Variants in TAP2 observed in about 807,000 individuals in gnomAD.
TAP2 encodes transporter 2, ATP binding cassette subfamily B member.
In TAP2, 49 loss-of-function variants were observed where a neutral mutation model predicts 74.7. That is an observed-to-expected ratio of 0.66 (90% CI 0.52 to 0.83). The LOEUF is 0.83. TAP2 is among the 40% of genes least tolerant of loss of function. TAP2 has a pLI of 0.00. For synonymous variants in TAP2, 306 were observed against 368.4 expected, an observed-to-expected ratio of 0.83 and a Z score of 1.94; for missense variants, 739 against 859.0, an observed-to-expected ratio of 0.86 and a Z score of 1.75.
chr6:32,829,656 G>A (rs182214921), intron 10 of TAP2, 120 bp from the exon 11 acceptor site: 61 of 1,495,212 alleles, frequency 4.1e-5, no homozygotes, highest in African/African-American at 6.8e-5. Context: ...GGCCCAGTGC[G>A]GGGAGGGCCC....
rs1367801345 is a variant in TAP2 at position 32,828,395 on chromosome 6, T to C, written c.*511A>G. 1.2e-5 allele frequency: 12 copies of C among 985,932 alleles called. No homozygotes were observed. The African/African-American group carries it at 1.6e-4, about 13-fold the overall frequency. 61.1% of individuals were successfully genotyped at this position (985,932 alleles called of 1,614,324 possible). ...ATATAGGAAGGCAATCTCATGAATA[T>C]TTATGTCATTTTTGGTTAATTTCTA... On this transcript the variant is annotated 3_prime_UTR_variant, in exon 12 of 12. Transcript: ENST00000374897.
In TAP2 at chr6:32,837,599, A is replaced by T. The variant is rs748302897; in HGVS notation, c.546T>A (p.Gly182=). Residue 182 remains glycine, a synonymous_variant, in exon 3 of 12, where the codon GGT becomes GGA. Transcript: ENST00000374897. ...YSGRVIDILG[G]DFDPHAFASA... Reference sequence around the variant, plus strand: ...TGGCAAAGGCATGGGGGTCAAAATCACCTCCCAGGATGTCAATCACACGAC... The same window carrying T: ...TGGCAAAGGCATGGGGGTCAAAATCTCCTCCCAGGATGTCAATCACACGAC... 3 of 1,613,952 alleles carry T rather than the reference A, an allele frequency of 1.9e-6. No individual in the cohort carries two copies. The highest frequency in any genetic ancestry group is 2.5e-6 in the Non-Finnish European group (3 of 1,179,954).
chr6:32,832,764 C>G lies in TAP2; in HGVS notation c.1006G>C (p.Val336Leu), dbSNP rs1243600800. 2 of 1,612,962 alleles carry G rather than the reference C, an allele frequency of 1.2e-6. No homozygotes were observed. Among genetic ancestry groups the G allele is most frequent in the Admixed American group, 1.7e-5 (1 of 60,008 alleles). ...CTGCGAACGGTCTGCAGCCCTCCAA[C>G]GGCTTCCCGCACCACCTGCCCCGCC... ...ARAGQVVREA[V>L]GGLQTVRSFG... Residue 336 changes from valine (V) to leucine (L), a missense_variant, in exon 6 of 12, where the codon GTT (valine) becomes CTT (leucine). Physicochemically the swap from Val to Leu is conservative, Grantham distance 32. Transcript: ENST00000374897. This position sits in a 1 kb window ranked among gnomAD's most constrained non-coding sequence, Gnocchi z 5.9.
Position 32,830,770 on chromosome 6 carries a change from C to T in TAP2, c.1309G>A (p.Val437Met), listed in dbSNP as rs189411634. 1.6e-5 allele frequency: 26 copies of T among 1,612,526 alleles called. No homozygotes were observed. Among genetic ancestry groups the T allele is most frequent in the African/African-American group, 2.7e-5 (2 of 74,892 alleles). ...VYIYGDMLSN[V>M]GAAEKVFSYM... The stretch of plus-strand genomic sequence containing the variant: ...GAGAAAACCTTCTCTGCAGCTCCCA[C>T]GTTGCTGAGCATATCCCCATATATG... Residue 437 changes from valine (V) to methionine (M), a missense_variant, in exon 8 of 12, where the codon GTG (valine) becomes ATG (methionine). Transcript: ENST00000374897.
In TAP2 at chr6:32,825,527, G is replaced by A. The variant is rs1417328604; in HGVS notation, c.*3379C>T. The A allele has an allele frequency of 6.6e-6, 1 of 152,162 alleles. No individual in the cohort carries two copies. Among genetic ancestry groups the A allele is most frequent in the Non-Finnish European group, 1.5e-5 (1 of 68,010 alleles). 9.4% of individuals were successfully genotyped at this position (152,162 alleles called of 1,614,324 possible). ...AGCAAGAATAAAGATATACATATTT[G>A]CTTAATACACAGTAAACTTCTCTGG... On this transcript the variant is annotated 3_prime_UTR_variant, in exon 12 of 12. Coordinates refer to ENST00000374897, the MANE Select transcript of TAP2 (RefSeq NM_001290043.2).
rs746522493 is a variant in TAP2 at position 32,838,191 on chromosome 6, C to A, written c.43G>T (p.Val15Leu). The stretch of plus-strand genomic sequence containing the variant: ...AGCAGCCACAGTAAAGCCGCGTCCA[C>A]CAGCAGCAGGGAGGTCCAGGGTCTC... ...DLRPWTSLLL[V>L]DAALLWLLQG... is the part of the protein sequence containing the mutation. Residue 15 changes from valine (V) to leucine (L), a missense_variant, in exon 2 of 12, where the codon GTG becomes TTG. Coordinates refer to ENST00000374897, the MANE Select transcript of TAP2 (RefSeq NM_001290043.2). 3 of 1,592,452 alleles carry A rather than the reference C, an allele frequency of 1.9e-6. No homozygotes were observed. Among genetic ancestry groups the A allele is most frequent in the South Asian group, 1.1e-5 (1 of 88,656 alleles).
Position 32,832,646 on chromosome 6 carries a change from A to G in TAP2, c.1124T>C (p.Leu375Ser). The G allele has an allele frequency of 6.2e-7, 1 of 1,613,078 alleles. No homozygotes were observed. Among genetic ancestry groups the G allele is most frequent in the South Asian group, 1.1e-5 (1 of 91,080 alleles). Residue 375 changes from leucine to serine, a missense_variant, in exon 6 of 12, where the codon TTG becomes TCG. Physicochemically the swap from Leu to Ser is moderately radical, Grantham distance 145. Transcript: ENST00000374897. This position sits in a 1 kb window ranked among gnomAD's most constrained non-coding sequence, Gnocchi z 5.9. ...TCTTACCCTCCTTACGAGCAGGTAC[A>G]AGGCGCGTTCCAGGTCTCTCCGCCA... is the stretch of plus-strand genomic sequence containing the variant. The part of the protein sequence containing the change: ...LYWRRDLERA[L>S]YLLVRRVLHL...
chr6:32,831,001 T>C (rs1274410891), intron 7 of TAP2, among the ~76,000 whole-genome samples, 195 bp from the exon 8 acceptor site: 10 of 152,208 alleles, frequency 6.6e-5, no homozygotes, highest in Non-Finnish European at 1.2e-4. Flanking sequence ...ATTTGCAATA[T>C]AAAGGATATA....
In TAP2 at chr6:32,828,674, A is replaced by AGCCG; in HGVS notation, c.*231_*232insCGGC. On this transcript the variant is annotated 3_prime_UTR_variant, in exon 12 of 12. Transcript: ENST00000374897. Reference sequence around the variant, plus strand: ...GGAATTAAGTTTCCTGGACACAGACAGCCCCCACCCCACCCCACCCCACCT... The same window carrying AGCCG: ...GGAATTAAGTTTCCTGGACACAGACAGCCGGCCCCCACCCCACCCCACCCCACCT... 3.9e-5 allele frequency: 36 copies of AGCCG among 921,948 alleles called. No individual in the cohort carries two copies. The highest frequency in any genetic ancestry group is 4.3e-5 in the Non-Finnish European group (33 of 765,248). 57.1% of individuals were successfully genotyped at this position (921,948 alleles called of 1,614,324 possible). A position where few individuals can be genotyped will look rare whatever the true frequency, so the allele number is the denominator to read the frequency against.
In TAP2 at chr6:32,835,104, C is replaced by T. The variant is rs1353274230; in HGVS notation, c.945+50G>A. The T allele has an allele frequency of 1.3e-6, 2 of 1,595,680 alleles. No individual in the cohort carries two copies. Among genetic ancestry groups the T allele is most frequent in the Admixed American group, 3.4e-5 (2 of 59,692 alleles). ...CTAGCCACAAATGTGGAAGCCTCCT[C>T]ACCTGTCAGTTTTATTCTCCCTTTG... On this transcript the variant is annotated intron_variant, in intron 5 of 11. Coordinates refer to ENST00000374897, the MANE Select transcript of TAP2 (RefSeq NM_001290043.2). This position sits in a 1 kb window ranked among gnomAD's most constrained non-coding sequence, Gnocchi z 4.0.
At position 32,828,677 on chromosome 6, in the gene TAP2, C is replaced by CG; in HGVS notation, c.*228_*229insC. On this transcript the variant is annotated 3_prime_UTR_variant, in exon 12 of 12. Transcript: ENST00000374897. The stretch of plus-strand genomic sequence containing the variant: ...ATTAAGTTTCCTGGACACAGACAGC[C>CG]CCCACCCCACCCCACCCCACCTCTC... 5.6e-4 allele frequency: 540 copies of CG among 970,608 alleles called. No homozygotes were observed. The highest frequency in any genetic ancestry group is 6.1e-4 in the Non-Finnish European group (491 of 805,782). The allele number at this position is 970,608 out of a possible 1,614,324, so 60.1% of individuals were successfully genotyped here. A position where few individuals can be genotyped will look rare whatever the true frequency, so the allele number is the denominator to read the frequency against.
chr6:32,826,858 G>A lies in TAP2; in HGVS notation c.*2048C>T, dbSNP rs945281769. The A allele has an allele frequency of 9.1e-6, 9 of 985,286 alleles. No individual in the cohort carries two copies. The Admixed American group carries it at 1.8e-4, about 20-fold the overall frequency. 61.0% of individuals were successfully genotyped at this position (985,286 alleles called of 1,614,324 possible). On this transcript the variant is annotated 3_prime_UTR_variant, in exon 12 of 12. Transcript: ENST00000374897. ...AATTTCTCAGATCATCTTCTTCTGT[G>A]AGGGCTGCAGCTTCCATGTAGTTGG...
downstream of TAP2, among the ~76,000 whole-genome samples, chr6:32,825,126 TTATATACA>T (rs1562317230): frequency 2.1e-5 from 3 of 140,764 alleles, no homozygotes; most frequent in African/African-American, 2.6e-5. Flanking sequence ...TGTCTGTTGG[TTATATACA>T]TATATATATA....
At chr6:32,822,518 T>C (rs533031958), downstream of TAP2, among the ~76,000 whole-genome samples, 56 of 151,902 alleles carry the variant, frequency 3.7e-4, no homozygotes, top group Admixed American at 1.6e-3. Flanking sequence ...TTCTATGCCA[T>C]TGAGCCATTT....
At position 32,830,422 on chromosome 6, in the gene TAP2, G is replaced by A. The variant is rs746245290; in HGVS notation, c.1480C>T (p.Arg494Cys). 20 of 1,612,878 alleles carry A rather than the reference G, an allele frequency of 1.2e-5. No homozygotes were observed. The highest frequency in any genetic ancestry group is 4.5e-5 in the East Asian group (2 of 44,896). ...PVLKGLTFTL[R>C]PGEVTALVGP... ...ACCAGCGCCGTCACCTCACCAGGAC[G>A]TAGGGTAAACGTCAGCCCCTAGAAA... is the stretch of plus-strand genomic sequence containing the variant. The change falls in exon 9 of 12, where the codon CGT (arginine) becomes TGT (cysteine). Residue 494 changes from arginine (R) to cysteine (C), a missense_variant. Coordinates refer to ENST00000374897, the MANE Select transcript of TAP2 (RefSeq NM_001290043.2).
chr6:32,830,626 C>G lies in TAP2; in HGVS notation c.1453G>C (p.Val485Leu). 6.2e-7 allele frequency: 1 copy of G among 1,613,096 alleles called. No homozygotes were observed. Among genetic ancestry groups the G allele is most frequent in the Non-Finnish European group, 8.5e-7 (1 of 1,180,042 alleles). The change falls in exon 8 of 12, where the codon GTG becomes CTG. Residue 485 changes from valine (V) to leucine (L), a missense_variant. Val to Leu is a conservative substitution (Grantham distance 32). Transcript: ENST00000374897. ...FAYPNRPDRP[V>L]LKGLTFTLRP... ...CTCCCTCTTTCAGGCACCTTGAGCA[C>G]AGGCCTGTCAGGGCGATTGGGATAT...
rs760549490 is a variant in TAP2 at position 32,835,698 on chromosome 6, C to T, written c.684G>A (p.Gln228=). ...CCTGGCGCAGCAGGGAGGAGAAAAG[C>T]TGCTCCCGGATCCGCAAGTTGATTC... The part of the protein sequence containing the change: ...MSRINLRIRE[Q]LFSSLLRQDL... The change falls in exon 4 of 12, where the codon CAG becomes CAA. Residue 228 remains glutamine (Q), a synonymous_variant. Coordinates refer to ENST00000374897, the MANE Select transcript of TAP2 (RefSeq NM_001290043.2). The surrounding 1 kb of genome is among the most constrained non-coding windows in gnomAD (Gnocchi z 4.0). 39 of 1,612,984 alleles carry T rather than the reference C, an allele frequency of 2.4e-5. No individual in the cohort carries two copies. In the South Asian group the frequency reaches 4.2e-4, roughly 17 times the overall value.
chr6:32,830,055 G>C lies in TAP2; in HGVS notation c.1670C>G (p.Ser557Cys), dbSNP rs1480575623. The C allele has an allele frequency of 6.2e-7, 1 of 1,613,088 alleles. No individual in the cohort carries two copies. The highest frequency in any genetic ancestry group is 1.3e-5 in the African/African-American group (1 of 75,028). Residue 557 changes from serine (S) to cysteine (C), a missense_variant, in exon 10 of 12, where the codon TCC (serine) becomes TGC (cysteine). Transcript: ENST00000374897. ...VSVGQEPVLF[S>C]GSVRNNIAYG... ...AGCAATGTTGTTCCTCACAGAACCG[G>C]AGAACAGCACAGGCTCCTGCCCAAC...
At chr6:32,833,603 C>T (rs1292828432) in intron 5 of TAP2, among the ~76,000 whole-genome samples, 1 of 141,058 alleles carries the variant, frequency 7.1e-6, no homozygotes, top group East Asian at 2.0e-4. Context: ...ACCTAATCAC[C>T]ATTAGAATGG....
Sources: gnomAD v4.1 joint callset for allele counts (sites outside exome capture counted in the v4.1 genomes callset) on GRCh38, gnomAD v4.1.1 for gene constraint, Gnocchi (gnomAD v3.1) non-coding constraint, MANE v1.5 for transcripts, NCBI Gene and HGNC (gene_info 2026-07-23, HGNC 2026-07-21) for gene names.